The following MCCC1 variants were observed in gnomAD, a reference collection of about 807,000 sequenced individuals.
The protein encoded by MCCC1 is methylcrotonoyl-CoA carboxylase subunit alpha, mitochondrial.
A neutral mutation model predicts 83.8 loss-of-function variants in MCCC1; 64 were observed. The ratio of observed to expected loss-of-function variants is 0.76; its 90% CI spans 0.62 to 0.94. The LOEUF (loss-of-function observed/expected upper bound fraction) is 0.94, where lower values mean the gene tolerates loss of function less well. Ranked by LOEUF, MCCC1 falls within the 40% of genes least tolerant of loss-of-function variation. MCCC1 has a pLI of 0.00. For synonymous variants in MCCC1, 322 were observed against 315.4 expected (o/e 1.02, Z -0.22); for missense variants, 807 against 904.7 (o/e 0.89, Z 1.39).
chr3:183,095,125 C>A (rs766238643), intron 1 of MCCC1, among the ~76,000 whole-genome samples: 1 of 151,778 alleles, frequency 6.6e-6, no homozygotes, highest in African/African-American at 2.4e-5. Context: ...CTACTGAAAA[C>A]ACAAAAAATT....
At chr3:183,065,361 CT>C (rs1432668462) in intron 7 of MCCC1, among the ~76,000 whole-genome samples, 7 of 152,090 alleles carry the variant, frequency 4.6e-5, no homozygotes, top group African/African-American at 1.7e-4. Flanking sequence ...TCCTTTTCTT[CT>C]GTTTGTCTGT....
chr3:183,058,747 T>C (rs1260827085), intron 7 of MCCC1, among the ~76,000 whole-genome samples: 11 of 152,312 alleles, frequency 7.2e-5, no homozygotes, highest in Non-Finnish European at 1.5e-4. Context: ...AAGGCTAATA[T>C]GGACTATTTG....
intron 10 of MCCC1, among the ~76,000 whole-genome samples, chr3:183,045,175 G>A (rs1714444983): frequency 6.6e-6 from 1 of 150,948 alleles, no homozygotes; most frequent in Non-Finnish European, 1.5e-5. Flanking sequence ...CTGCCTCCCA[G>A]GCTCAGTGAT....
chr3:183,022,368 C>G, intron 16 of MCCC1, 49 bp downstream of exon 16: 1 of 1,602,206 alleles, frequency 6.2e-7, no homozygotes, highest in South Asian at 1.1e-5. Flanking sequence ...TCTGGTCAAA[C>G]AGTTTTCTCC....
rs1713850353 is a variant in MCCC1, at chr3:183,039,041, G to T, written c.1362C>A (p.Ser454Arg). 6.2e-7 allele frequency: 1 copy of T among 1,613,940 alleles called. No individual in the cohort carries two copies. Among genetic ancestry groups the T allele is most frequent in the Non-Finnish European group, 8.5e-7 (1 of 1,179,932 alleles). Residue 454 changes from serine (S) to arginine (R), a missense_variant, in exon 12 of 19, where the codon AGC becomes AGA. Transcript: ENST00000265594. ...GATCACTCACATTGTACTGACGAAG[G>T]CTGTACCTCAGTTTTGTCAATGCCG... ...RQAALTKLRY[S>R]LRQYNIVGLH...
intron 12 of MCCC1, among the ~76,000 whole-genome samples, chr3:183,037,977 G>A (rs1156587795): frequency 6.6e-6 from 1 of 151,944 alleles, no homozygotes; most frequent in Non-Finnish European, 1.5e-5. Flanking sequence ...CCAATAAATG[G>A]GATCAAAAGT....
intron 14 of MCCC1, among the ~76,000 whole-genome samples, chr3:183,031,148 T>C (rs1205030681): frequency 6.6e-6 from 1 of 152,196 alleles, no homozygotes; most frequent in Non-Finnish European, 1.5e-5. Context: ...TAACTTCTGG[T>C]GTGACTTTTG....
intron 9 of MCCC1, 70 bp from the exon 10 acceptor site, chr3:183,045,610 GCATCA>G: frequency 6.5e-7 from 1 of 1,532,530 alleles, no homozygotes; most frequent in Non-Finnish European, 9.0e-7. Flanking sequence ...CTTCCATGAT[GCATCA>G]CATCAAGTTT....
At chr3:183,085,812 C>T (rs1717852878) in intron 4 of MCCC1, among the ~76,000 whole-genome samples, 1 of 152,098 alleles carries the variant, frequency 6.6e-6, no homozygotes, top group African/African-American at 2.4e-5. Flanking sequence ...TGTTAGGTTT[C>T]ACCAGTAGGG....
chr3:183,109,228 G>A (rs113364569), intron 1 of MCCC1, among the ~76,000 whole-genome samples: 11 of 152,228 alleles, frequency 7.2e-5, no homozygotes, highest in Admixed American at 2.6e-4. Flanking sequence ...TTGACATCTG[G>A]TGATCCGCCC....
intron 1 of MCCC1, 133 bp from the exon 2 acceptor site, chr3:183,094,738 G>A (rs886547077): frequency 5.7e-6 from 5 of 877,516 alleles, no homozygotes; most frequent in Admixed American, 2.0e-5. Flanking sequence ...CTTTCTTAGT[G>A]GGTAGAAAAC....
intron 15 of MCCC1, 195 bp from the exon 16 acceptor site, chr3:183,022,749 G>C: frequency 1.9e-6 from 1 of 532,364 alleles, no homozygotes; most frequent in Non-Finnish European, 3.2e-6. Context: ...GAAATGACAG[G>C]AAGATAATTA....
chr3:183,093,129 G>C (rs932658688), intron 2 of MCCC1, among the ~76,000 whole-genome samples: 3 of 152,038 alleles, frequency 2.0e-5, no homozygotes, highest in African/African-American at 7.2e-5. Context: ...CCTGACCTCA[G>C]GTGATCCACC....
chr3:183,037,085 A>G (rs1713672941), intron 13 of MCCC1, 133 bp downstream of exon 13: 2 of 860,492 alleles, frequency 2.3e-6, no homozygotes, highest in Non-Finnish European at 3.8e-6. Context: ...ATACTAAAAA[A>G]CACATCTGAA....
intron 7 of MCCC1, among the ~76,000 whole-genome samples, chr3:183,067,091 T>C (rs1716309488): frequency 6.6e-6 from 1 of 152,248 alleles, no homozygotes; most frequent in African/African-American, 2.4e-5. Context: ...AGGCTTTGAC[T>C]GGAATGGCAT....
intron 8 of MCCC1, among the ~76,000 whole-genome samples, chr3:183,053,565 G>A (rs112903544): frequency 1.1e-4 from 17 of 151,856 alleles, no homozygotes; most frequent in African/African-American, 3.9e-4. Context: ...CCAGCAGTTC[G>A]GGAGGCCAAG....
chr3:183,022,506 C>T lies in MCCC1; in HGVS notation c.1780G>A (p.Asp594Asn). ...QVLGNLYSEG[D>N]CTYLKCSVNG... ...ACAGAACATTTCAGGTAAGTGCAGTCTCCCTCGCTGTAAAGATTACCAAGG... is the reference window on the plus strand; with the variant it reads ...ACAGAACATTTCAGGTAAGTGCAGTTTCCCTCGCTGTAAAGATTACCAAGG... The change falls in exon 16 of 19, where the codon GAC becomes AAC. Residue 594 changes from aspartate (D) to asparagine (N), a missense_variant. By Grantham distance (23) the Asp-to-Asn change is conservative (BLOSUM62 1). Coordinates refer to ENST00000265594, the MANE Select transcript of MCCC1 (RefSeq NM_020166.5). 6.2e-7 allele frequency: 1 copy of T among 1,613,914 alleles called. No homozygotes were observed. The highest frequency in any genetic ancestry group is 8.5e-7 in the Non-Finnish European group (1 of 1,179,844).
intron 9 of MCCC1, 121 bp downstream of exon 9, chr3:183,052,038 A>T (rs1715018411): frequency 2.4e-6 from 2 of 824,334 alleles, no homozygotes; most frequent in Middle Eastern, 4.4e-4. Context: ...TGTATTTCTT[A>T]CTGTGAATAT....
At chr3:183,096,451 C>G (rs1287063077) in intron 1 of MCCC1, among the ~76,000 whole-genome samples, 5 of 152,160 alleles carry the variant, frequency 3.3e-5, no homozygotes. Context: ...AAAGGACTAA[C>G]TAACCATTTT....
Sources: gnomAD v4.1 joint callset for allele counts (sites outside exome capture counted in the v4.1 genomes callset) on GRCh38, gnomAD v4.1.1 for gene constraint, MANE v1.5 for transcripts, NCBI Gene and HGNC (gene_info 2026-07-23, HGNC 2026-07-21) for gene names.